Variants in PRRC2B observed in about 807,000 individuals in gnomAD.
PRRC2B encodes proline rich coiled-coil 2B.
A neutral mutation model predicts 242.3 loss-of-function variants in PRRC2B; 68 were observed. The ratio of observed to expected loss-of-function variants is 0.28; its 90% CI spans 0.23 to 0.34. The LOEUF is 0.34. PRRC2B is among the 10% of genes least tolerant of loss of function. The pLI is 1.00. For missense variants in PRRC2B, 2,835 were observed against 2,954.8 expected, an observed-to-expected ratio of 0.96 and a Z score of 0.94; for synonymous variants, 1,228 against 1,173.6, an observed-to-expected ratio of 1.05 and a Z score of -0.95.
intron 28 of PRRC2B, 50 bp downstream of exon 28, chr9:131,488,146 G>C (rs993643695): frequency 3.2e-6 from 5 of 1,561,572 alleles, no homozygotes; most frequent in Non-Finnish European, 4.3e-6. Context: ...TTTCCTTCAC[G>C]ACCTTGCCTT....
chr9:131,442,043 T>C (rs1331452379), intron 5 of PRRC2B, among the ~76,000 whole-genome samples: 1 of 152,188 alleles, frequency 6.6e-6, no homozygotes, highest in Admixed American at 6.5e-5. Context: ...AATATATTCA[T>C]GATTCTCGAA....
intron 1 of PRRC2B, among the ~76,000 whole-genome samples, chr9:131,374,298 G>A (rs1037504901): frequency 6.6e-6 from 1 of 151,980 alleles, no homozygotes; most frequent in African/African-American, 2.4e-5. Context: ...GCGCCCAGCG[G>A]AGACTCTGTC....
intron 17 of PRRC2B, among the ~76,000 whole-genome samples, chr9:131,478,194 C>G (rs960224112): frequency 2.7e-5 from 4 of 148,074 alleles, no homozygotes; most frequent in African/African-American, 1.0e-4. Flanking sequence ...AGAGAGGAAG[C>G]CTGGGGCCCA....
chr9:131,399,813 T>C (rs1002256365), intron 1 of PRRC2B, among the ~76,000 whole-genome samples: 1 of 152,214 alleles, frequency 6.6e-6, no homozygotes. Flanking sequence ...TATAATTATA[T>C]AATTGCTATT....
chr9:131,464,711 GTAT>G lies in PRRC2B; in HGVS notation c.1405-51_1405-49del, dbSNP rs1220817595. ...TGATCCCAAAGTGGGAGTGGTTCCT[GTAT>G]CCCGGGTCCCGGACCCACCGCCTTA... On this transcript the variant is annotated intron_variant, in intron 11 of 31. Coordinates refer to ENST00000683519, the MANE Select transcript of PRRC2B (RefSeq NM_013318.4). 6 of 1,484,866 alleles carry G rather than the reference GTAT, an allele frequency of 4.0e-6. No individual in the cohort carries two copies. The Admixed American group carries it at 9.2e-5, about 23-fold the overall frequency. The allele number at this position is 1,484,866 out of a possible 1,614,324, so 92.0% of individuals were successfully genotyped here.
intron 3 of PRRC2B, 48 bp from the exon 4 acceptor site, chr9:131,436,572 C>CA (rs1276495921): frequency 3.4e-6 from 5 of 1,482,276 alleles, no homozygotes; most frequent in Non-Finnish European, 4.7e-6. Context: ...GAGACCTGGC[C>CA]AGCGCACTCT....
intron 1 of PRRC2B, among the ~76,000 whole-genome samples, chr9:131,400,278 G>A (rs938214185): frequency 6.6e-6 from 1 of 151,728 alleles, no homozygotes; most frequent in Admixed American, 6.6e-5. Flanking sequence ...GTGGAGACGG[G>A]GTTTCGCCAT....
upstream of PRRC2B, among the ~76,000 whole-genome samples, chr9:131,392,928 A>G (rs1199181642): frequency 1.3e-5 from 2 of 151,982 alleles, no homozygotes; most frequent in African/African-American, 4.8e-5. Flanking sequence ...AAAAAAAAAA[A>G]AAAAGAAAAA....
chr9:131,475,486 G>A lies in PRRC2B; in HGVS notation c.3357G>A (p.Glu1119=), dbSNP rs1172720147. Residue 1119 remains glutamate, a synonymous_variant, in exon 16 of 32, where the codon GAG becomes GAA. Coordinates refer to ENST00000683519, the MANE Select transcript of PRRC2B (RefSeq NM_013318.4). Reference sequence around the variant, plus strand: ...GCCTGCGAGAGTTTGCGCGGCCAGAGGACTGCCCCAGAGCCAAGCCCCGAC... The same window carrying A: ...GCCTGCGAGAGTTTGCGCGGCCAGAAGACTGCCCCAGAGCCAAGCCCCGAC... ...GRGLREFARP[E]DCPRAKPRRR... 8.8e-6 allele frequency: 14 copies of A among 1,599,272 alleles called. No individual in the cohort carries two copies. Among genetic ancestry groups the A allele is most frequent in the East Asian group, 4.5e-5 (2 of 44,634 alleles).
At chr9:131,400,930 C>G (rs1837211184) in intron 1 of PRRC2B, among the ~76,000 whole-genome samples, 1 of 151,504 alleles carries the variant, frequency 6.6e-6, no homozygotes, top group Non-Finnish European at 1.5e-5. Flanking sequence ...CCCCACCTAA[C>G]TTTGGCCTCA....
intron 1 of PRRC2B, among the ~76,000 whole-genome samples, chr9:131,409,799 C>T (rs1006407383): frequency 1.3e-5 from 2 of 152,144 alleles, no homozygotes; most frequent in Non-Finnish European, 2.9e-5. Context: ...TGTCAGTGGC[C>T]CTCAGAAACT....
intron 10 of PRRC2B, among the ~76,000 whole-genome samples, chr9:131,456,425 A>G (rs1943079375): frequency 6.6e-6 from 1 of 151,778 alleles, no homozygotes; most frequent in Admixed American, 6.6e-5. Context: ...AGGTCAGGAG[A>G]TCGAGACCAT....
At chr9:131,441,635 C>T (rs1487748746) in intron 5 of PRRC2B, among the ~76,000 whole-genome samples, 1 of 152,206 alleles carries the variant, frequency 6.6e-6, no homozygotes, top group Admixed American at 6.5e-5. Context: ...AGTTTCAGTT[C>T]CCCCTCTCGT....
rs1487309414 is a variant in PRRC2B at position 131,487,193 on chromosome 9, C to G, written c.5883C>G (p.Ile1961Met). Residue 1961 changes from isoleucine (I) to methionine (M), a missense_variant, in exon 27 of 32, where the codon ATC (isoleucine) becomes ATG (methionine). Physicochemically the swap from Ile to Met is conservative, Grantham distance 10. Around this residue, in one of 7 missense-constraint regions of PRRC2B, gnomAD observed 574 missense variants for 626.0 expected, o/e 0.92. Coordinates refer to ENST00000683519, the MANE Select transcript of PRRC2B (RefSeq NM_013318.4). This position sits in a 1 kb window ranked among gnomAD's most constrained non-coding sequence, Gnocchi z 5.3. ...QQAAAAQQIP[I>M]SLHTSLQAQA... The stretch of plus-strand genomic sequence containing the variant: ...CCGCCGCTGCCCAGCAGATCCCGAT[C>G]TCCCTTCACACATCTCTGCAGGCAC... 1.9e-6 allele frequency: 3 copies of G among 1,613,762 alleles called. No individual in the cohort carries two copies. In the Admixed American group the frequency reaches 5.0e-5, roughly 27 times the overall value.
chr9:131,477,029 C>T (rs530232142), intron 16 of PRRC2B, among the ~76,000 whole-genome samples: 1 of 152,318 alleles, frequency 6.6e-6, no homozygotes, highest in South Asian at 2.1e-4. Context: ...CTCAGCATGG[C>T]AGGAGCCCAG....
At chr9:131,412,045 G>A (rs1338724314) in intron 1 of PRRC2B, among the ~76,000 whole-genome samples, 3 of 151,600 alleles carry the variant, frequency 2.0e-5, no homozygotes, top group Non-Finnish European at 2.9e-5. Context: ...CACCTCAAGC[G>A]ATCCTCTCAC....
chr9:131,382,354 T>C (rs1330692180), intron 1 of PRRC2B, among the ~76,000 whole-genome samples: 2 of 152,170 alleles, frequency 1.3e-5, no homozygotes, highest in African/African-American at 4.8e-5. Flanking sequence ...TCATTTGTTC[T>C]TTTATTCCCC....
intron 5 of PRRC2B, among the ~76,000 whole-genome samples, chr9:131,439,365 G>T (rs531446008): frequency 6.6e-6 from 1 of 152,328 alleles, no homozygotes; most frequent in South Asian, 2.1e-4. Context: ...ACCAAACTAG[G>T]CAGCAGCTCT....
At chr9:131,393,837 T>TCCCGCCGTCCCCGGGCCCCTCC (rs1836953587), upstream of PRRC2B, among the ~76,000 whole-genome samples, 6 of 149,688 alleles carry the variant, frequency 4.0e-5, no homozygotes, top group Admixed American at 4.0e-4. Flanking sequence ...CTCCCGCCTC[T>TCCCGCCGTCCCCGGGCCCCTCC]CCCGCCGTCC....
Sources: gnomAD v4.1 joint callset for allele counts (sites outside exome capture counted in the v4.1 genomes callset) on GRCh38, gnomAD v4.1.1 for gene constraint, gnomAD v4.1.1 regional missense constraint, Gnocchi (gnomAD v3.1) non-coding constraint, MANE v1.5 for transcripts, NCBI Gene and HGNC (gene_info 2026-07-23, HGNC 2026-07-21) for gene names.